The following B4GALT4 variants were observed in gnomAD, a reference collection of about 807,000 sequenced individuals.
B4GALT4 encodes N-acetyllactosamine synthase.
Under a neutral mutation model 37.3 loss-of-function variants are expected in B4GALT4, and 27 were observed. The observed-to-expected ratio is 0.72, with a 90% CI of 0.53 to 1.00. The LOEUF (loss-of-function observed/expected upper bound fraction) is 1.00, where lower values mean the gene tolerates loss of function less well. B4GALT4 is among the 50% of genes least tolerant of loss of function. B4GALT4 has a pLI of 0.00. For synonymous variants in B4GALT4, 148 were observed against 154.1 expected (o/e 0.96, Z 0.29); for missense variants, 372 against 413.1 (o/e 0.90, Z 0.86).
chr3:119,226,178 G>A (rs568803939), intron 4 of B4GALT4, among the ~76,000 whole-genome samples: 1 of 152,260 alleles, frequency 6.6e-6, no homozygotes, highest in Non-Finnish European at 1.5e-5. Flanking sequence ...CCAAATAGAG[G>A]TATCTTTAAT....
At chr3:119,217,145 C>T (rs947130088) in intron 6 of B4GALT4, among the ~76,000 whole-genome samples, 1 of 152,238 alleles carries the variant, frequency 6.6e-6, no homozygotes, top group Non-Finnish European at 1.5e-5. Flanking sequence ...TACTTTGAAG[C>T]TGAAGCATAG....
At chr3:119,232,444 T>C (rs992503367) in intron 2 of B4GALT4, 18 of 152,232 alleles carry the variant, frequency 1.2e-4, no homozygotes, top group Admixed American at 9.8e-4. Context: ...GACTAGTAAG[T>C]GGTAGCGTGG....
In B4GALT4 at chr3:119,229,935, G is replaced by A; in HGVS notation, c.165C>T (p.Leu55=). ...KEFMANFHKT[L]ILGKGKTLTN... ...TCAGAGTTTTTCCCTTCCCCAAAAT[G>A]AGGGTCTTATGGAAATTAGCCATGA... Residue 55 remains leucine (L), a synonymous_variant, in exon 3 of 8, where the codon CTC becomes CTT. Coordinates refer to ENST00000393765, the MANE Select transcript of B4GALT4 (RefSeq NM_003778.4). 1 of 1,614,154 alleles carries A rather than the reference G, an allele frequency of 6.2e-7. No homozygotes were observed. Among genetic ancestry groups the A allele is most frequent in the South Asian group, 1.1e-5 (1 of 91,078 alleles).
chr3:119,239,634 CA>C (rs2079088153), intron 1 of B4GALT4, among the ~76,000 whole-genome samples: 1 of 152,174 alleles, frequency 6.6e-6, no homozygotes, highest in South Asian at 2.1e-4. Flanking sequence ...CCTCTCTATC[CA>C]CTTCCCCTTA....
chr3:119,239,878 G>C (rs950605530), intron 1 of B4GALT4: 1 of 151,904 alleles, frequency 6.6e-6, no homozygotes, highest in Admixed American at 6.6e-5. Flanking sequence ...CCTGGGTCTC[G>C]GGAATAGCCC....
chr3:119,228,628 A>G (rs567071178), intron 3 of B4GALT4, among the ~76,000 whole-genome samples: 2 of 152,340 alleles, frequency 1.3e-5, no homozygotes, highest in East Asian at 3.9e-4. Context: ...TTCCATGACT[A>G]AAGAGAAGCA....
At chr3:119,235,378 T>C (rs370713461) in intron 2 of B4GALT4, among the ~76,000 whole-genome samples, 1 of 152,094 alleles carries the variant, frequency 6.6e-6, no homozygotes, top group East Asian at 1.9e-4. Context: ...GGAGAAAGGG[T>C]GTGTTCATTC....
intron 7 of B4GALT4, 36 bp downstream of exon 7, chr3:119,216,204 G>A (rs570667402): frequency 6.6e-7 from 1 of 1,506,650 alleles, no homozygotes. Flanking sequence ...ACAGACTAGG[G>A]AGGTAGCCTG....
Position 119,217,297 on chromosome 3 carries a change from T to C in B4GALT4, c.798-953A>G, listed in dbSNP as rs559169704. 1.3e-4 allele frequency among the ~76,000 whole-genome samples: 20 copies of C among 152,116 alleles called. No homozygotes were observed. In the South Asian group the frequency reaches 3.9e-3, roughly 30 times the overall value. ...CCTGAAATGTAGCACGTACCCTCTG[T>C]CCAGTTCCTAAGCCATGACCACATA... On this transcript the variant is annotated intron_variant, in intron 6 of 7. Transcript: ENST00000393765.
chr3:119,229,767 T>C, intron 3 of B4GALT4, 80 bp downstream of exon 3: 2 of 1,451,690 alleles, frequency 1.4e-6, no homozygotes, highest in South Asian at 2.7e-5. Context: ...ACATGAGATG[T>C]TTTGATACAG....
chr3:119,235,300 C>A (rs1444978897), intron 2 of B4GALT4: 3 of 152,230 alleles, frequency 2.0e-5, no homozygotes, highest in African/African-American at 4.8e-5. Context: ...CACATTTTTA[C>A]TCCACTAAAG....
chr3:119,217,560 G>T (rs1240191243), intron 6 of B4GALT4, among the ~76,000 whole-genome samples: 1 of 152,200 alleles, frequency 6.6e-6, no homozygotes, highest in East Asian at 1.9e-4. Context: ...TTCCTTTCCA[G>T]CCAGGCACAG....
chr3:119,234,672 G>T (rs1196880657), intron 2 of B4GALT4, among the ~76,000 whole-genome samples: 1 of 152,126 alleles, frequency 6.6e-6, no homozygotes, highest in Non-Finnish European at 1.5e-5. Context: ...CATCATATTG[G>T]ATTTATTTAC....
intron 1 of B4GALT4, chr3:119,240,140 C>T (rs2079107905): frequency 6.6e-6 from 1 of 152,212 alleles, no homozygotes; most frequent in South Asian, 2.1e-4. Context: ...CTCTGGAACA[C>T]TTTGCAACAG....
At chr3:119,218,543 C>T in intron 6 of B4GALT4, 107 bp downstream of exon 6, 1 of 1,499,420 alleles carries the variant, frequency 6.7e-7, no homozygotes, top group Non-Finnish European at 9.1e-7. Context: ...AAATCTGCAG[C>T]CTAGTGACCT....
At chr3:119,238,184 C>T (rs2079038696) in intron 1 of B4GALT4, among the ~76,000 whole-genome samples, 1 of 150,348 alleles carries the variant, frequency 6.7e-6, no homozygotes, top group African/African-American at 2.4e-5. Flanking sequence ...GGAGGATCAC[C>T]TGAACCCGGG....
Position 119,238,455 on chromosome 3 carries a change from T to C in B4GALT4, c.-363-1385A>G, listed in dbSNP as rs543635850. On this transcript the variant is annotated intron_variant, in intron 1 of 7. Transcript: ENST00000393765. ...GGAGTTTTCATCAACAGAAACAATA[T>C]TGTTTTCTGATAAAATGACTACATA... Among the ~76,000 whole-genome samples the C allele has an allele frequency of 2.0e-5, 3 of 152,248 alleles. No homozygotes were observed. The South Asian group carries it at 6.2e-4, about 32-fold the overall frequency.
At chr3:119,217,940 A>G (rs1374273120) in intron 6 of B4GALT4, among the ~76,000 whole-genome samples, 1 of 152,118 alleles carries the variant, frequency 6.6e-6, no homozygotes, top group Non-Finnish European at 1.5e-5. Flanking sequence ...TGTGATTACA[A>G]GTCTAAAGAT....
chr3:119,234,875 TTAG>T (rs1159175753), intron 2 of B4GALT4, among the ~76,000 whole-genome samples: 1 of 152,216 alleles, frequency 6.6e-6, no homozygotes, highest in Non-Finnish European at 1.5e-5. Flanking sequence ...TGCCCCGTAG[TTAG>T]TTAAAAATGG....
Sources: gnomAD v4.1 joint callset for allele counts (sites outside exome capture counted in the v4.1 genomes callset) on GRCh38, gnomAD v4.1.1 for gene constraint, MANE v1.5 for transcripts, NCBI Gene and HGNC (gene_info 2026-07-23, HGNC 2026-07-21) for gene names.